The following NLGN1 variants were observed in gnomAD, a reference collection of about 807,000 sequenced individuals.
The protein encoded by NLGN1 is neuroligin-1.
Under a neutral mutation model 65.5 loss-of-function variants are expected in NLGN1, and 12 were observed. That is an observed-to-expected ratio of 0.18 (90% confidence interval 0.12 to 0.30). NLGN1 has a LOEUF of 0.30. Among genes scored for constraint, NLGN1 ranks in the 10% least tolerant of loss-of-function variants. NLGN1 has a pLI of 1.00. For missense variants in NLGN1, 750 were observed against 1,007.1 expected (o/e 0.74, Z 3.46); for synonymous variants, 350 against 359.5 (o/e 0.97, Z 0.30).
At chr3:174,163,368 T>G (rs1402576953) in intron 4 of NLGN1, among the ~76,000 whole-genome samples, 2 of 152,026 alleles carry the variant, frequency 1.3e-5, no homozygotes, top group East Asian at 1.9e-4. Flanking sequence ...CCTAGAAAAC[T>G]TTTGTTTTCC....
At chr3:174,070,282 G>A (rs1015844486) in intron 4 of NLGN1, among the ~76,000 whole-genome samples, 4 of 151,320 alleles carry the variant, frequency 2.6e-5, no homozygotes, top group Non-Finnish European at 2.9e-5. Context: ...CTTCTACTTG[G>A]TTATTATTTG....
At chr3:174,000,509 A>G (rs2152426204) in intron 4 of NLGN1, among the ~76,000 whole-genome samples, 1 of 152,302 alleles carries the variant, frequency 6.6e-6, no homozygotes, top group East Asian at 1.9e-4. Context: ...TTCTGTAGGT[A>G]TTGAAAAGCA....
intron 4 of NLGN1, among the ~76,000 whole-genome samples, chr3:173,966,429 C>T (rs1467975294): frequency 6.6e-6 from 1 of 152,190 alleles, no homozygotes; most frequent in Non-Finnish European, 1.5e-5. Flanking sequence ...GTTACTGTGT[C>T]ATCTAACAAA....
chr3:173,485,582 C>T (rs1323536756), intron 2 of NLGN1, among the ~76,000 whole-genome samples: 1 of 152,092 alleles, frequency 6.6e-6, no homozygotes, highest in Non-Finnish European at 1.5e-5. Context: ...CATGGTTTCT[C>T]TCTTAATATT....
At chr3:174,064,186 G>GAAAAAAACAAAA (rs1553924873) in intron 4 of NLGN1, among the ~76,000 whole-genome samples, 2 of 151,640 alleles carry the variant, frequency 1.3e-5, no homozygotes, top group Non-Finnish European at 2.9e-5. Flanking sequence ...ATAAAAAAAA[G>GAAAAAAACAAAA]AAAAAAACAA....
chr3:173,410,218 T>C (rs1265372620), intron 1 of NLGN1, among the ~76,000 whole-genome samples: 1 of 152,182 alleles, frequency 6.6e-6, no homozygotes, highest in Non-Finnish European at 1.5e-5. Flanking sequence ...CTAAAAAGTA[T>C]AGGGCCGTTA....
chr3:173,898,708 C>T (rs933860387), intron 4 of NLGN1, among the ~76,000 whole-genome samples: 2 of 152,168 alleles, frequency 1.3e-5, no homozygotes, highest in African/African-American at 4.8e-5. Context: ...TCACTATTAA[C>T]TGTGAATCCA....
chr3:174,165,780 TCTTC>T (rs1203890685), intron 4 of NLGN1, among the ~76,000 whole-genome samples: 1 of 152,066 alleles, frequency 6.6e-6, no homozygotes, highest in Non-Finnish European at 1.5e-5. Flanking sequence ...TGGTACAGGC[TCTTC>T]CTTATATTTC....
At chr3:174,091,921 C>A (rs1235778900) in intron 4 of NLGN1, among the ~76,000 whole-genome samples, 1 of 152,134 alleles carries the variant, frequency 6.6e-6, no homozygotes, top group Admixed American at 6.5e-5. Flanking sequence ...TCAATCAAAT[C>A]TATTTTAAGA....
chr3:173,525,762 T>TGTATCACTC (rs1735545939), intron 2 of NLGN1, among the ~76,000 whole-genome samples: 1 of 152,092 alleles, frequency 6.6e-6, no homozygotes, highest in African/African-American at 2.4e-5. Context: ...TTATCACTGC[T>TGTATCACTC]TTTGCTGTAT....
At chr3:173,735,792 T>G (rs1428763847) in intron 3 of NLGN1, among the ~76,000 whole-genome samples, 1 of 152,142 alleles carries the variant, frequency 6.6e-6, no homozygotes, top group Non-Finnish European at 1.5e-5. Context: ...GGGCCAAAGT[T>G]GACTCATATT....
At chr3:173,565,218 C>G (rs1214479479) in intron 2 of NLGN1, among the ~76,000 whole-genome samples, 4 of 152,126 alleles carry the variant, frequency 2.6e-5, no homozygotes, top group Non-Finnish European at 5.9e-5. Flanking sequence ...AAATACAAGA[C>G]AGTAGTCAGT....
chr3:173,544,715 G>C (rs1739478397), intron 2 of NLGN1, among the ~76,000 whole-genome samples: 1 of 152,106 alleles, frequency 6.6e-6, no homozygotes, highest in Non-Finnish European at 1.5e-5. Context: ...TACAGATTTG[G>C]AATTTTCAGT....
intron 4 of NLGN1, among the ~76,000 whole-genome samples, chr3:174,267,108 C>T (rs921691772): frequency 1.3e-5 from 2 of 152,058 alleles, no homozygotes; most frequent in African/African-American, 4.8e-5. Flanking sequence ...CTAATTGACA[C>T]AGTAATTTGC....
chr3:173,952,589 A>C (rs1286483642), intron 4 of NLGN1, among the ~76,000 whole-genome samples: 1 of 152,172 alleles, frequency 6.6e-6, no homozygotes, highest in Non-Finnish European at 1.5e-5. Flanking sequence ...TCTACGAAGC[A>C]AGGGACTGGA....
intron 4 of NLGN1, among the ~76,000 whole-genome samples, chr3:173,930,648 G>A (rs1041211750): frequency 2.0e-5 from 3 of 152,280 alleles, no homozygotes; most frequent in South Asian, 2.1e-4. Flanking sequence ...CCCAAAATAC[G>A]AATTAAGAAA....
chr3:173,779,508 A>G (rs1392634119), intron 3 of NLGN1, among the ~76,000 whole-genome samples: 1 of 151,952 alleles, frequency 6.6e-6, no homozygotes, highest in African/African-American at 2.4e-5. Context: ...ACAAAATTTT[A>G]CGGAGTCCTG....
At chr3:173,954,298 A>G (rs1748763540) in intron 4 of NLGN1, among the ~76,000 whole-genome samples, 1 of 152,164 alleles carries the variant, frequency 6.6e-6, no homozygotes, top group Non-Finnish European at 1.5e-5. Flanking sequence ...TAAATGAAGC[A>G]CAGATGTAAT....
intron 4 of NLGN1, among the ~76,000 whole-genome samples, chr3:173,967,065 TCCCAGGACA>T (rs1715043687): frequency 6.6e-6 from 1 of 152,190 alleles, no homozygotes; most frequent in East Asian, 1.9e-4. Context: ...AACAGCAGGA[TCCCAGGACA>T]TCGGCATGGA....
Sources: allele counts gnomAD v4.1 joint callset (sites outside exome capture counted in the v4.1 genomes callset), GRCh38; gene constraint gnomAD v4.1.1; transcripts MANE v1.5; gene names NCBI Gene and HGNC (gene_info 2026-07-23, HGNC 2026-07-21).